The following MED13L variants were observed in gnomAD, a reference collection of about 807,000 sequenced individuals.
MED13L encodes the protein mediator of RNA polymerase II transcription subunit 13-like.
MED13L carries 7 observed loss-of-function variants against 220.9 expected under a neutral mutation model. That is an observed-to-expected ratio of 0.03 (90% CI 0.02 to 0.06). MED13L has a LOEUF of 0.06. Ranked by LOEUF, MED13L falls within the 10% of genes least tolerant of loss-of-function variation. The probability of loss-of-function intolerance (pLI) is 1.00; values close to 1 mark genes in which losing one functional copy is unlikely to be tolerated. For synonymous variants in MED13L, 1,011 were observed against 1,015.2 expected (o/e 1.00, Z 0.08); for missense variants, 1,965 against 2,760.5 (o/e 0.71, Z 6.46).
intron 1 of MED13L, among the ~76,000 whole-genome samples, chr12:116,257,481 G>C (rs1300303163): frequency 6.6e-6 from 1 of 152,114 alleles, no homozygotes; most frequent in Admixed American, 6.5e-5. Context: ...TCCTAACCTA[G>C]AATGCAACCT....
In MED13L at chr12:115,991,978, A is replaced by G; in HGVS notation, c.2997-21T>C. The G allele has an allele frequency of 6.3e-7, 1 of 1,585,332 alleles. No homozygotes were observed. Among genetic ancestry groups the G allele is most frequent in the East Asian group, 2.2e-5 (1 of 44,670 alleles). Reference sequence around the variant, plus strand: ...CGTTACTACAAAAAGAGAAGGCACCAAGTGAGGAAGGGCAGCATGTCACAG... The same window carrying G: ...CGTTACTACAAAAAGAGAAGGCACCGAGTGAGGAAGGGCAGCATGTCACAG... On this transcript the variant is annotated intron_variant, in intron 16 of 30. Coordinates refer to ENST00000281928, the MANE Select transcript of MED13L (RefSeq NM_015335.5). This position sits in a 1 kb window ranked among gnomAD's most constrained non-coding sequence, Gnocchi z 7.7.
intron 1 of MED13L, among the ~76,000 whole-genome samples, chr12:116,248,519 C>T (rs1871262853): frequency 6.6e-6 from 1 of 152,166 alleles, no homozygotes; most frequent in South Asian, 2.1e-4. Context: ...AAATAAGAGT[C>T]TCAAGGATTC....
At chr12:116,200,222 T>A (rs1260683121) in intron 2 of MED13L, among the ~76,000 whole-genome samples, 1 of 152,180 alleles carries the variant, frequency 6.6e-6, no homozygotes, top group Non-Finnish European at 1.5e-5. Context: ...GCCTTTTTTT[T>A]AATTATCGCA....
intron 4 of MED13L, among the ~76,000 whole-genome samples, chr12:116,069,451 ATTTCT>A (rs1345420406): frequency 5.3e-5 from 8 of 152,060 alleles, no homozygotes; most frequent in Admixed American, 2.6e-4. Context: ...TTTCCTTTGC[ATTTCT>A]TTTAAGTATT....
At chr12:116,044,292 G>T (rs1881704797) in intron 4 of MED13L, among the ~76,000 whole-genome samples, 1 of 152,212 alleles carries the variant, frequency 6.6e-6, no homozygotes, top group African/African-American at 2.4e-5. Flanking sequence ...AAGTTTCTAT[G>T]TAGATTCAGC....
intron 28 of MED13L, 24 bp from the exon 29 acceptor site, chr12:115,966,267 C>T: frequency 3.7e-6 from 6 of 1,613,698 alleles, no homozygotes; most frequent in Non-Finnish European, 5.1e-6. Context: ...ATCCCAAAAA[C>T]ATGATCAGCA....
At chr12:116,016,615 CAAGAA>C (rs765549578) in intron 7 of MED13L, among the ~76,000 whole-genome samples, 1 of 151,854 alleles carries the variant, frequency 6.6e-6, no homozygotes, top group Non-Finnish European at 1.5e-5. Context: ...AATTTATGAC[CAAGAA>C]AAGAAAAGAG....
In MED13L at chr12:116,183,655, A is replaced by G. The variant is rs1880676236; in HGVS notation, c.310+53813T>C. On this transcript the variant is annotated intron_variant, in intron 2 of 30. Transcript: ENST00000281928. ...GTGAAATGTCATTTTTCAAAGACAA[A>G]TATTTCAACATGCTCACAATATCTG... 2.6e-5 allele frequency among the ~76,000 whole-genome samples: 4 copies of G among 152,152 alleles called. No individual in the cohort carries two copies. The South Asian group carries it at 8.3e-4, about 32-fold the overall frequency.
intron 4 of MED13L, among the ~76,000 whole-genome samples, chr12:116,057,786 T>G (rs1347087105): frequency 7.9e-5 from 12 of 152,080 alleles, no homozygotes. Context: ...TGCTCAGATA[T>G]TCAAAAACTT....
intron 2 of MED13L, among the ~76,000 whole-genome samples, chr12:116,211,437 C>G (rs1057271200): frequency 2.0e-5 from 3 of 152,040 alleles, no homozygotes; most frequent in East Asian, 1.9e-4. Flanking sequence ...AAAAAATGCA[C>G]CTTTAAGACA....
intron 2 of MED13L, among the ~76,000 whole-genome samples, chr12:116,202,522 A>G (rs1371011171): frequency 6.6e-6 from 1 of 152,236 alleles, no homozygotes; most frequent in African/African-American, 2.4e-5. Context: ...GACAACAGTT[A>G]GAGGCAAGAG....
intron 7 of MED13L, among the ~76,000 whole-genome samples, chr12:116,016,812 A>C (rs1739954325): frequency 6.6e-6 from 1 of 152,220 alleles, no homozygotes; most frequent in African/African-American, 2.4e-5. Context: ...TACATATCAA[A>C]CAAAGAGGCA....
intron 4 of MED13L, among the ~76,000 whole-genome samples, chr12:116,025,979 AATT>A (rs1880364867): frequency 6.6e-6 from 1 of 152,204 alleles, no homozygotes; most frequent in South Asian, 2.1e-4. Flanking sequence ...AAATATGTAC[AATT>A]ATTATGTGTC....
intron 1 of MED13L, among the ~76,000 whole-genome samples, chr12:116,240,537 T>C (rs933597981): frequency 9.9e-6 from 1 of 101,038 alleles, no homozygotes; most frequent in Non-Finnish European, 2.4e-5. Flanking sequence ...ATTTATTTTA[T>C]TTTTTTTTTT....
intron 2 of MED13L, among the ~76,000 whole-genome samples, chr12:116,151,241 T>A (rs566866108): frequency 1.3e-5 from 2 of 152,292 alleles, no homozygotes; most frequent in South Asian, 4.1e-4. Flanking sequence ...TAAATGTGTA[T>A]AAGAGGTCTT....
intron 4 of MED13L, among the ~76,000 whole-genome samples, chr12:116,080,871 A>C (rs1422501078): frequency 6.6e-6 from 1 of 152,226 alleles, no homozygotes; most frequent in Non-Finnish European, 1.5e-5. Context: ...TTATCAGTAC[A>C]TAAATACTTA....
At chr12:116,162,519 A>G (rs1878965521) in intron 2 of MED13L, among the ~76,000 whole-genome samples, 3 of 152,344 alleles carry the variant, frequency 2.0e-5, no homozygotes, top group African/African-American at 7.2e-5. Context: ...AACTCCATCC[A>G]TGGATTTCAT....
At chr12:116,207,205 T>A (rs1365702254) in intron 2 of MED13L, among the ~76,000 whole-genome samples, 1 of 152,108 alleles carries the variant, frequency 6.6e-6, no homozygotes, top group Non-Finnish European at 1.5e-5. Context: ...CTCCCCATGT[T>A]GCCCAAACTG....
intron 4 of MED13L, among the ~76,000 whole-genome samples, chr12:116,023,853 T>G (rs1176063958): frequency 1.3e-5 from 2 of 152,064 alleles, no homozygotes; most frequent in Non-Finnish European, 2.9e-5. Context: ...AAAGCAAAAA[T>G]GCACATAATT....
Sources: allele counts gnomAD v4.1 joint callset (sites outside exome capture counted in the v4.1 genomes callset), GRCh38; gene constraint gnomAD v4.1.1; non-coding constraint Gnocchi (gnomAD v3.1); transcripts MANE v1.5; gene names NCBI Gene and HGNC (gene_info 2026-07-23, HGNC 2026-07-21).